Variants in ERCC8 observed in about 807,000 individuals in gnomAD.
The protein encoded by ERCC8 is DNA excision repair protein ERCC-8.
Under a neutral mutation model 54.9 loss-of-function variants are expected in ERCC8, and 52 were observed. That is an observed-to-expected ratio of 0.95 (90% CI 0.76 to 1.19). ERCC8 has a LOEUF of 1.19. Among genes scored for constraint, ERCC8 ranks in the 50% most tolerant of loss-of-function variants. The pLI, the probability that ERCC8 is intolerant of heterozygous loss-of-function variation, is 0.00. For missense variants in ERCC8, 514 were observed against 466.1 expected (o/e 1.10, Z -0.95); for synonymous variants, 146 against 157.2 (o/e 0.93, Z 0.53).
chr5:60,899,662 TG>T lies in ERCC8; in HGVS notation c.682del (p.Gln228AsnfsTer42). Reference sequence around the variant, plus strand: ...AGCTTGTGACTTTTTCCCATTATGTTGATCAAGAGTAATCAAACATCCTGAT... The same window carrying T: ...AGCTTGTGACTTTTTCCCATTATGTTATCAAGAGTAATCAAACATCCTGAT... ...RASGCLITLD[Q>X]HNGKKSQAVE... On this transcript the variant is annotated frameshift_variant, in exon 8 of 12. Transcript: ENST00000676185. LOFTEE classifies it high-confidence loss of function. 6.2e-7 allele frequency: 1 copy of T among 1,612,362 alleles called. No homozygotes were observed. Among genetic ancestry groups the T allele is most frequent in the East Asian group, 2.2e-5 (1 of 44,774 alleles).
chr5:60,940,628 C>G (rs1423800473), intron 1 of ERCC8, among the ~76,000 whole-genome samples: 2 of 152,178 alleles, frequency 1.3e-5, no homozygotes, highest in African/African-American at 4.8e-5. Flanking sequence ...AGATCTAACC[C>G]TGAGTCGTAT....
intron 6 of ERCC8, 98 bp from the exon 7 acceptor site, chr5:60,902,606 A>T (rs1748935529): frequency 2.2e-6 from 2 of 894,402 alleles, no homozygotes; most frequent in Non-Finnish European, 3.8e-6. Context: ...AGTGAGGCCA[A>T]ATATTCAATG....
intron 11 of ERCC8, among the ~76,000 whole-genome samples, chr5:60,876,295 T>A (rs1748005375): frequency 6.6e-6 from 1 of 152,222 alleles, no homozygotes; most frequent in African/African-American, 2.4e-5. Flanking sequence ...GACATTTGGG[T>A]TGGTTCCAAG....
At chr5:60,891,167 A>G in intron 9 of ERCC8, 81 bp from the exon 10 acceptor site, 1 of 928,728 alleles carries the variant, frequency 1.1e-6, no homozygotes, top group East Asian at 2.6e-5. Context: ...AATACTTAAA[A>G]TATTATGCTA....
At chr5:60,890,802 AG>A in intron 10 of ERCC8, 86 bp downstream of exon 10, 1 of 975,688 alleles carries the variant, frequency 1.0e-6, no homozygotes, top group Non-Finnish European at 1.6e-6. Flanking sequence ...ATAACTCCTC[AG>A]AATAAAATCA....
At chr5:60,929,233 T>C (rs1303186274) in intron 1 of ERCC8, among the ~76,000 whole-genome samples, 2 of 152,276 alleles carry the variant, frequency 1.3e-5, no homozygotes, top group East Asian at 1.9e-4. Context: ...GGACATCTAA[T>C]GGACAAAAGC....
chr5:60,927,746 C>A (rs757002955), intron 2 of ERCC8, among the ~76,000 whole-genome samples: 3 of 152,148 alleles, frequency 2.0e-5, no homozygotes, highest in Non-Finnish European at 1.5e-5. Context: ...AGTGCCCCCC[C>A]AGCTGTCCTT....
intron 1 of ERCC8, among the ~76,000 whole-genome samples, chr5:60,933,938 T>TACACAC (rs70977815): frequency 0.1 from 15,583 of 151,058 alleles, 1,006 homozygotes; most frequent in South Asian, 0.25. Flanking sequence ...TATTCCATGA[T>TACACAC]ACACACACAC....
chr5:60,933,216 CTTTTTTTTT>C (rs143139297), intron 1 of ERCC8, among the ~76,000 whole-genome samples: 1 of 89,484 alleles, frequency 1.1e-5, no homozygotes, highest in Non-Finnish European at 2.0e-5. Flanking sequence ...CCTTTTTTTT[CTTTTTTTTT>C]TTTTTTTTTT....
chr5:60,879,904 CATG>C (rs1413106448), intron 11 of ERCC8, among the ~76,000 whole-genome samples: 1 of 152,190 alleles, frequency 6.6e-6, no homozygotes, highest in African/African-American at 2.4e-5. Context: ...TTGATCCTGT[CATG>C]ATGACATTAG....
chr5:60,872,650 GA>G lies in ERCC8; in HGVS notation c.*1964del, dbSNP rs780357532. The stretch of plus-strand genomic sequence containing the variant: ...ACAAAAGATAACAAGTGTTGGCAAG[GA>G]TGTGAAGAAAAAGGATTTCTTGCAT... On this transcript the variant is annotated 3_prime_UTR_variant, in exon 12 of 12. Transcript: ENST00000676185. 6.6e-6 allele frequency among the ~76,000 whole-genome samples: 1 copy of G among 152,140 alleles called. No individual in the cohort carries two copies. The highest frequency in any genetic ancestry group is 6.5e-5 in the Admixed American group (1 of 15,268).
Position 60,867,787 on chromosome 5 carries a change from C to T in ERCC8, c.*6828G>A, listed in dbSNP as rs920163255. 9.2e-5 allele frequency among the ~76,000 whole-genome samples: 14 copies of T among 152,196 alleles called. No individual in the cohort carries two copies. Among genetic ancestry groups the T allele is most frequent in the Non-Finnish European group, 1.9e-4 (13 of 68,036 alleles). On this transcript the variant is annotated 3_prime_UTR_variant, in exon 12 of 12. Transcript: ENST00000676185. Reference sequence around the variant, plus strand: ...TTTTTACAGAAGGTGTTGACAAGCTCTCATTTAGTACTGTTGCTAATCCTT... The same window carrying T: ...TTTTTACAGAAGGTGTTGACAAGCTTTCATTTAGTACTGTTGCTAATCCTT...
chr5:60,911,542 G>T (rs916545232), intron 4 of ERCC8, among the ~76,000 whole-genome samples: 12 of 151,942 alleles, frequency 7.9e-5, no homozygotes, highest in Non-Finnish European at 1.6e-4. Context: ...TCTGTAGGTT[G>T]CATGTTCACT....
rs1461519196 is a variant in ERCC8, at chr5:60,871,226, G to C, written c.*3389C>G. Among the ~76,000 whole-genome samples, 1 of 152,220 alleles carries C rather than the reference G, an allele frequency of 6.6e-6. No homozygotes were observed. Among genetic ancestry groups the C allele is most frequent in the Non-Finnish European group, 1.5e-5 (1 of 68,038 alleles). On this transcript the variant is annotated 3_prime_UTR_variant, in exon 12 of 12. Transcript: ENST00000676185. ...ACTAATAAACATGTAGCCTTGAACA[G>C]GGGACCAGCTGAAAACAACTGGGGG... is the stretch of plus-strand genomic sequence containing the variant.
intron 1 of ERCC8, among the ~76,000 whole-genome samples, chr5:60,931,293 T>C (rs1749902567): frequency 6.6e-6 from 1 of 152,152 alleles, no homozygotes; most frequent in African/African-American, 2.4e-5. Context: ...ATTTGAACTT[T>C]AACATTAAAT....
rs1747806101 is a variant in ERCC8 at position 60,868,847 on chromosome 5, C to G, written c.*5768G>C. The stretch of plus-strand genomic sequence containing the variant: ...ATTAAAACAGAAGAACTAGCACTAT[C>G]CTGAGCCCTAGATTTAACCTTCCGA... On this transcript the variant is annotated 3_prime_UTR_variant, in exon 12 of 12. Transcript: ENST00000676185. Among the ~76,000 whole-genome samples the G allele has an allele frequency of 6.6e-6, 1 of 152,134 alleles. No individual in the cohort carries two copies. The highest frequency in any genetic ancestry group is 2.1e-4 in the South Asian group (1 of 4,830).
At chr5:60,893,762 C>T (rs1020394837) in intron 9 of ERCC8, 10 of 347,160 alleles carry the variant, frequency 2.9e-5, no homozygotes, top group African/African-American at 2.1e-4. Context: ...GGGGGCGGGG[C>T]TTCTCCCTTC....
chr5:60,868,401 T>C lies in ERCC8; in HGVS notation c.*6214A>G, dbSNP rs1747796439. Among the ~76,000 whole-genome samples the C allele has an allele frequency of 1.3e-5, 2 of 151,856 alleles. No individual in the cohort carries two copies. The highest frequency in any genetic ancestry group is 6.6e-5 in the Admixed American group (1 of 15,222). On this transcript the variant is annotated 3_prime_UTR_variant, in exon 12 of 12. Transcript: ENST00000676185. The stretch of plus-strand genomic sequence containing the variant: ...AGTTTACCAGTATCTTCATGAGGAG[T>C]GGTCAGTCAAGAGGACATTGGGCAC...
intron 1 of ERCC8, among the ~76,000 whole-genome samples, chr5:60,934,468 A>G (rs185413667): frequency 6.6e-6 from 1 of 152,188 alleles, no homozygotes; most frequent in East Asian, 1.9e-4. Flanking sequence ...AATATTCTGG[A>G]TATTAGTCCT....
Sources: gnomAD v4.1 joint callset for allele counts (sites outside exome capture counted in the v4.1 genomes callset) on GRCh38, gnomAD v4.1.1 for gene constraint, MANE v1.5 for transcripts, NCBI Gene and HGNC (gene_info 2026-07-23, HGNC 2026-07-21) for gene names.